The following NCAM2 variants were observed in gnomAD, a reference collection of about 807,000 sequenced individuals.
The protein encoded by NCAM2 is neural cell adhesion molecule 2.
NCAM2 carries 30 observed loss-of-function variants against 98.1 expected under a neutral mutation model. That is an observed-to-expected ratio of 0.31 (90% CI 0.23 to 0.41). NCAM2 has a LOEUF of 0.41. Among genes scored for constraint, NCAM2 ranks in the 10% least tolerant of loss-of-function variants. NCAM2 has a pLI of 1.00. For missense variants in NCAM2, 867 were observed against 1,005.8 expected (o/e 0.86, Z 1.87); for synonymous variants, 368 against 342.4 (o/e 1.07, Z -0.83).
intron 8 of NCAM2, among the ~76,000 whole-genome samples, chr21:21,366,269 T>C (rs2075782968): frequency 6.6e-6 from 1 of 152,094 alleles, no homozygotes; most frequent in Admixed American, 6.6e-5. Flanking sequence ...TATCATATGA[T>C]ATTGTAGCAT....
At chr21:21,464,174 C>G (rs1024979778) in intron 12 of NCAM2, among the ~76,000 whole-genome samples, 1 of 152,056 alleles carries the variant, frequency 6.6e-6, no homozygotes, top group African/African-American at 2.4e-5. Flanking sequence ...CTACTGAATG[C>G]TCTTAAAATG....
At chr21:21,042,700 T>A (rs551013635) in intron 1 of NCAM2, among the ~76,000 whole-genome samples, 95 of 152,294 alleles carry the variant, frequency 6.2e-4, no homozygotes, top group Non-Finnish European at 1.2e-3. Context: ...GCATCTGTTA[T>A]ACAGTGTTTA....
At chr21:21,002,009 C>T (rs1238714415) in intron 1 of NCAM2, among the ~76,000 whole-genome samples, 1 of 152,128 alleles carries the variant, frequency 6.6e-6, no homozygotes, top group Non-Finnish European at 1.5e-5. Context: ...ATGGCTCCAG[C>T]CTCTCTCGTA....
chr21:21,514,619 C>A (rs1988607041), intron 16 of NCAM2, among the ~76,000 whole-genome samples: 2 of 152,028 alleles, frequency 1.3e-5, no homozygotes, highest in Admixed American at 1.3e-4. Context: ...ATATTTTCCA[C>A]TAAATCTTTA....
intron 1 of NCAM2, among the ~76,000 whole-genome samples, chr21:21,222,036 A>T (rs1005364587): frequency 3.3e-5 from 5 of 152,192 alleles, no homozygotes; most frequent in Admixed American, 6.5e-5. Context: ...AATTATGCTA[A>T]ATCTCCTCTG....
intron 1 of NCAM2, among the ~76,000 whole-genome samples, chr21:21,052,310 C>T (rs1303083445): frequency 2.0e-5 from 3 of 151,938 alleles, no homozygotes; most frequent in Non-Finnish European, 4.4e-5. Flanking sequence ...ACTACAGGCG[C>T]CCGCCACCAC....
chr21:21,499,990 A>G (rs1602507692), intron 15 of NCAM2, among the ~76,000 whole-genome samples: 1 of 152,062 alleles, frequency 6.6e-6, no homozygotes, highest in East Asian at 1.9e-4. Flanking sequence ...TGTGCATTAC[A>G]TATTTCAATA....
At chr21:21,451,129 C>T (rs1981001819) in intron 12 of NCAM2, among the ~76,000 whole-genome samples, 1 of 151,884 alleles carries the variant, frequency 6.6e-6, no homozygotes, top group Admixed American at 6.6e-5. Context: ...AGTCACGCCT[C>T]TCTGTCTTGA....
rs1298916952 is a variant in NCAM2 at position 21,227,064 on chromosome 21, TTTACA to T, written c.56-53510_56-53506del. ...AAATATAATTAATGGAGAAAGTTAGTTTACATTATGTTTAAAGTAAGGCATAAGAC... is the reference window on the plus strand; with the variant it reads ...AAATATAATTAATGGAGAAAGTTAGTTTATGTTTAAAGTAAGGCATAAGAC... On this transcript the variant is annotated intron_variant, in intron 1 of 17. Transcript: ENST00000400546. 5.9e-5 allele frequency among the ~76,000 whole-genome samples: 9 copies of T among 152,114 alleles called. No individual in the cohort carries two copies. The East Asian group carries it at 1.2e-3, about 20-fold the overall frequency.
intron 1 of NCAM2, among the ~76,000 whole-genome samples, chr21:21,246,634 C>G (rs931593121): frequency 2.0e-5 from 3 of 152,054 alleles, no homozygotes; most frequent in African/African-American, 7.2e-5. Flanking sequence ...CTTTTATTCT[C>G]TATTTCATCT....
chr21:21,373,625 T>C (rs1283507302), intron 8 of NCAM2, among the ~76,000 whole-genome samples: 1 of 151,788 alleles, frequency 6.6e-6, no homozygotes, highest in East Asian at 1.9e-4. Flanking sequence ...ATTGAAATGC[T>C]TTTTATCATT....
chr21:21,284,448 A>C, intron 3 of NCAM2, 48 bp downstream of exon 3: 2 of 1,393,396 alleles, frequency 1.4e-6, no homozygotes, highest in Non-Finnish European at 2.0e-6. Context: ...TCAGTTGCTT[A>C]TAAATAACCG....
intron 16 of NCAM2, among the ~76,000 whole-genome samples, chr21:21,530,278 TTTA>T (rs1471842068): frequency 7.5e-6 from 1 of 133,266 alleles, no homozygotes; most frequent in African/African-American, 2.8e-5. Flanking sequence ...TTATATATAA[TTTA>T]ATTTAATTAT....
chr21:21,132,040 T>TA (rs1159201689), intron 1 of NCAM2, among the ~76,000 whole-genome samples: 1 of 152,224 alleles, frequency 6.6e-6, no homozygotes, highest in Non-Finnish European at 1.5e-5. Context: ...TAGCATCTGT[T>TA]ACTTCTCAAA....
intron 12 of NCAM2, among the ~76,000 whole-genome samples, chr21:21,438,547 C>T (rs1415862781): frequency 6.6e-6 from 1 of 152,058 alleles, no homozygotes; most frequent in Non-Finnish European, 1.5e-5. Flanking sequence ...ATCAACAACT[C>T]GAACTATAGA....
At chr21:21,478,041 C>T (rs1985389818) in intron 15 of NCAM2, among the ~76,000 whole-genome samples, 1 of 152,094 alleles carries the variant, frequency 6.6e-6, no homozygotes, top group Non-Finnish European at 1.5e-5. Flanking sequence ...TAGATTCTAC[C>T]ATTGATAGGT....
intron 1 of NCAM2, among the ~76,000 whole-genome samples, chr21:21,027,543 A>G (rs142067881): frequency 1.4e-4 from 21 of 152,332 alleles, no homozygotes; most frequent in African/African-American, 4.6e-4. Context: ...ATATTATTTG[A>G]CTAGTCTGCT....
intron 15 of NCAM2, among the ~76,000 whole-genome samples, chr21:21,505,471 A>G (rs1277295670): frequency 1.3e-5 from 2 of 152,136 alleles, no homozygotes; most frequent in Non-Finnish European, 2.9e-5. Flanking sequence ...TGTTTTACAT[A>G]TATAATTTTT....
At chr21:21,507,203 T>C (rs1988036885) in intron 15 of NCAM2, among the ~76,000 whole-genome samples, 1 of 152,192 alleles carries the variant, frequency 6.6e-6, no homozygotes, top group South Asian at 2.1e-4. Context: ...GACCTGCTAG[T>C]GCTTGCTTTT....
Sources: gnomAD v4.1 joint callset for allele counts (sites outside exome capture counted in the v4.1 genomes callset) on GRCh38, gnomAD v4.1.1 for gene constraint, MANE v1.5 for transcripts, NCBI Gene and HGNC (gene_info 2026-07-23, HGNC 2026-07-21) for gene names.